CDH23: variants seen among roughly 807,000 people sequenced by gnomAD.
CDH23 encodes cadherin related 23, also known as cadherin-23.
CDH23 carries 189 observed loss-of-function variants against 317.1 expected under a neutral mutation model. That is an observed-to-expected ratio of 0.60 (90% CI 0.53 to 0.67). The LOEUF (loss-of-function observed/expected upper bound fraction) is 0.67, where lower values mean the gene tolerates loss of function less well. Ranked by LOEUF, CDH23 falls within the 30% of genes least tolerant of loss-of-function variation. CDH23 has a pLI of 0.00. For missense variants in CDH23, 4,401 were observed against 4,592.4 expected (o/e 0.96, Z 1.20); for synonymous variants, 1,839 against 1,876.8 (o/e 0.98, Z 0.52).
chr10:71,686,029 G>T (rs535855394), intron 18 of CDH23, among the ~76,000 whole-genome samples: 5 of 152,128 alleles, frequency 3.3e-5, no homozygotes, highest in Non-Finnish European at 5.9e-5. Flanking sequence ...AGGAGGGGCC[G>T]GAGGGGCCAG....
At chr10:71,750,671 T>G (rs991141871) in intron 38 of CDH23, 1 of 152,664 alleles carries the variant, frequency 6.6e-6, no homozygotes, top group Non-Finnish European at 1.5e-5. Context: ...CTTAACCTGT[T>G]GACAGATCTT....
chr10:71,682,300 T>G, intron 17 of CDH23, 145 bp from the exon 18 acceptor site: 1 of 1,022,184 alleles, frequency 9.8e-7, no homozygotes. Context: ...TCAGTCGAGA[T>G]GTTGAGGCTC....
intron 14 of CDH23, among the ~76,000 whole-genome samples, chr10:71,650,590 G>A (rs1227763717): frequency 2.0e-5 from 3 of 152,162 alleles, no homozygotes; most frequent in Admixed American, 6.5e-5. Flanking sequence ...TACATGTTAC[G>A]ACTACATGCA....
intron 34 of CDH23, 89 bp from the exon 35 acceptor site, chr10:71,738,409 T>G: frequency 6.8e-7 from 1 of 1,475,894 alleles, no homozygotes; most frequent in Non-Finnish European, 9.5e-7. Flanking sequence ...ACTGGGGATC[T>G]GGTCCCTACT....
At chr10:71,791,063 G>A in intron 46 of CDH23, 69 bp from the exon 47 acceptor site, 2 of 1,269,106 alleles carry the variant, frequency 1.6e-6, no homozygotes, top group Non-Finnish European at 1.1e-6. Context: ...CTCCCTGTTG[G>A]TTCTTGCCCT....
intron 11 of CDH23, among the ~76,000 whole-genome samples, chr10:71,637,165 C>T (rs1862314891): frequency 6.6e-6 from 1 of 152,130 alleles, no homozygotes; most frequent in Non-Finnish European, 1.5e-5. Flanking sequence ...AATATGTATT[C>T]GATGGGCTTT....
chr10:71,508,801 G>A (rs113849510), intron 3 of CDH23, among the ~76,000 whole-genome samples: 2 of 152,150 alleles, frequency 1.3e-5, no homozygotes, highest in Non-Finnish European at 2.9e-5. Flanking sequence ...CATTGTCTTC[G>A]GAAAATGACG....
intron 38 of CDH23, among the ~76,000 whole-genome samples, chr10:71,775,403 C>G (rs1349094845): frequency 7.0e-6 from 1 of 142,114 alleles, no homozygotes; most frequent in Non-Finnish European, 1.6e-5. Context: ...CAACCCCTTC[C>G]CCAGGGGGAT....
chr10:71,499,445 C>G (rs756406848), intron 3 of CDH23, among the ~76,000 whole-genome samples: 1 of 152,108 alleles, frequency 6.6e-6, no homozygotes, highest in Non-Finnish European at 1.5e-5. Context: ...GCTTGTAATC[C>G]GAGCTACTTG....
Position 71,793,345 on chromosome 10 carries a change from C to T in CDH23, c.6417C>T (p.Ser2139=), listed in dbSNP as rs751398741. ...CCATCGACAGAGAGGAGCAGGAGTC[C>T]TACAGGCTAACGGTGGTGGCCACCG... ...NATIDREEQE[S]YRLTVVATDR... is the part of the protein sequence containing the mutation. Residue 2139 remains serine (S), a synonymous_variant, in exon 48 of 70, where the codon TCC becomes TCT. Transcript: ENST00000224721. The T allele has an allele frequency of 1.5e-5, 25 of 1,614,002 alleles. No homozygotes were observed. The highest frequency in any genetic ancestry group is 6.7e-5 in the East Asian group (3 of 44,878).
chr10:71,515,565 C>T (rs937373130), intron 6 of CDH23, among the ~76,000 whole-genome samples: 1 of 151,840 alleles, frequency 6.6e-6, no homozygotes, highest in Non-Finnish European at 1.5e-5. Context: ...ATTTGTTGAA[C>T]AGCTACTGAG....
chr10:71,608,395 T>C (rs1860656196), intron 9 of CDH23, among the ~76,000 whole-genome samples: 1 of 152,136 alleles, frequency 6.6e-6, no homozygotes, highest in South Asian at 2.1e-4. Flanking sequence ...GCCTCCTGCC[T>C]CCATTCAGAC....
At chr10:71,444,567 G>A (rs1228437125) in intron 2 of CDH23, among the ~76,000 whole-genome samples, 1 of 152,182 alleles carries the variant, frequency 6.6e-6, no homozygotes, top group Non-Finnish European at 1.5e-5. Flanking sequence ...AAGGGCCATC[G>A]GTCCTGGCCA....
intron 3 of CDH23, among the ~76,000 whole-genome samples, chr10:71,484,297 C>A (rs1403517496): frequency 6.6e-6 from 1 of 152,208 alleles, no homozygotes; most frequent in Non-Finnish European, 1.5e-5. Flanking sequence ...GCAGACAGGG[C>A]CAAAGTGCTT....
At chr10:71,684,359 G>A (rs977278750) in intron 18 of CDH23, among the ~76,000 whole-genome samples, 3 of 152,180 alleles carry the variant, frequency 2.0e-5, no homozygotes, top group African/African-American at 7.2e-5. Flanking sequence ...CCAGGATGCT[G>A]CTCTGCACAA....
At chr10:71,514,070 T>C (rs1054712806) in intron 6 of CDH23, among the ~76,000 whole-genome samples, 6 of 152,004 alleles carry the variant, frequency 3.9e-5, no homozygotes, top group Non-Finnish European at 8.8e-5. Context: ...ACACAGTCTA[T>C]GCCCCTGCCT....
At chr10:71,813,399 GCT>G (rs375544999) in intron 69 of CDH23, 51 bp downstream of exon 69, 5 of 1,445,282 alleles carry the variant, frequency 3.5e-6, no homozygotes, top group Admixed American at 2.0e-5. Flanking sequence ...GCCTGGGGAT[GCT>G]CTCTGTCTCT....
intron 21 of CDH23, 128 bp from the exon 22 acceptor site, chr10:71,695,290 A>C (rs1023509428): frequency 1.4e-6 from 1 of 714,022 alleles, no homozygotes; most frequent in African/African-American, 1.7e-5. Flanking sequence ...AAGGCTCCCA[A>C]GGTTGGTGGA....
At chr10:71,702,408 G>A in intron 23 of CDH23, 141 bp from the exon 24 acceptor site, 2 of 1,202,542 alleles carry the variant, frequency 1.7e-6, no homozygotes, top group Non-Finnish European at 2.4e-6. Flanking sequence ...GAGCTGTGAG[G>A]CCTAGGCTGC....
Sources: gnomAD v4.1 joint callset for allele counts (sites outside exome capture counted in the v4.1 genomes callset) on GRCh38, gnomAD v4.1.1 for gene constraint, MANE v1.5 for transcripts, NCBI Gene and HGNC (gene_info 2026-07-23, HGNC 2026-07-21) for gene names.